Variants in ZBTB41 observed in about 807,000 individuals in gnomAD.
ZBTB41 encodes the protein zinc finger and BTB domain containing 41, also known as zinc finger and BTB domain-containing protein 41.
A neutral mutation model predicts 87.6 loss-of-function variants in ZBTB41; 42 were observed. The observed-to-expected ratio is 0.48, with a 90% CI of 0.37 to 0.62. ZBTB41 has a LOEUF of 0.62. Among genes scored for constraint, ZBTB41 ranks in the 20% least tolerant of loss-of-function variants. ZBTB41 has a pLI of 0.00. For missense variants in ZBTB41, 799 were observed against 1,078.9 expected (o/e 0.74, Z 3.63); for synonymous variants, 364 against 364.0 (o/e 1.00, Z 0.00).
intron 4 of ZBTB41, 26 bp from the exon 5 acceptor site, chr1:197,188,465 TAA>T (rs1659938375): frequency 1.3e-6 from 2 of 1,554,080 alleles, no homozygotes; most frequent in Admixed American, 2.1e-5. Flanking sequence ...AACAAAATGT[TAA>T]GAGAACCTGA....
intron 7 of ZBTB41, among the ~76,000 whole-genome samples, chr1:197,177,843 A>G (rs1020250227): frequency 5.3e-5 from 8 of 152,152 alleles, no homozygotes; most frequent in Non-Finnish European, 1.0e-4. Flanking sequence ...AAAGCAAGAT[A>G]AATAATAAAT....
intron 4 of ZBTB41, 148 bp from the exon 5 acceptor site, chr1:197,188,587 G>T: frequency 1.3e-6 from 1 of 789,262 alleles, no homozygotes; most frequent in Non-Finnish European, 1.9e-6. Context: ...AATTCTAATT[G>T]TGCAGAAAAA....
chr1:197,168,276 G>A (rs1358881655), intron 10 of ZBTB41, among the ~76,000 whole-genome samples: 1 of 152,012 alleles, frequency 6.6e-6, no homozygotes, highest in Non-Finnish European at 1.5e-5. Context: ...GGTGTTCACA[G>A]ACTGGATAAT....
chr1:197,179,706 C>T (rs953436700), intron 6 of ZBTB41, among the ~76,000 whole-genome samples: 18 of 151,762 alleles, frequency 1.2e-4, no homozygotes, highest in African/African-American at 4.1e-4. Flanking sequence ...CCTGTGTAGG[C>T]CTAGGCTAAT....
intron 2 of ZBTB41, among the ~76,000 whole-genome samples, chr1:197,193,068 T>G (rs555949412): frequency 1.3e-5 from 2 of 152,324 alleles, no homozygotes; most frequent in East Asian, 3.9e-4. Context: ...AGTAATGGTA[T>G]ATGCATATCT....
chr1:197,159,496 G>T lies in ZBTB41; in HGVS notation c.2593C>A (p.Gln865Lys), dbSNP rs1392297442. The change falls in exon 11 of 11, where the codon CAA becomes AAA. Residue 865 changes from glutamine (Q) to lysine (K), a missense_variant. Around this residue, in one of 5 missense-constraint regions of ZBTB41, gnomAD observed 171 missense variants for 191.9 expected, o/e 0.89. Transcript: ENST00000367405. The part of the protein sequence containing the change: ...AFLEKYTLTP[Q>K]PANIVHPVRP... Reference sequence around the variant, plus strand: ...ACTGGGTGAACTATATTTGCAGGTTGAGGAGTAAGAGTATATTTTTCCAGA... The same window carrying T: ...ACTGGGTGAACTATATTTGCAGGTTTAGGAGTAAGAGTATATTTTTCCAGA... The T allele has an allele frequency of 1.2e-6, 2 of 1,613,954 alleles. No homozygotes were observed. Among genetic ancestry groups the T allele is most frequent in the Non-Finnish European group, 1.7e-6 (2 of 1,179,854 alleles).
Position 197,159,616 on chromosome 1 carries a change from C to A in ZBTB41, c.2473G>T (p.Val825Leu). ...VQMPDTPSDL[V>L]RHTTTLPPSS... The stretch of plus-strand genomic sequence containing the variant: ...GGTGGGAGTGTGGTAGTATGACGCA[C>A]TAGGTCACTCGGAGTGTCAGGCATC... Residue 825 changes from valine to leucine, a missense_variant, in exon 11 of 11, where the codon GTG becomes TTG. Physicochemically the swap from Val to Leu is conservative, Grantham distance 32. This residue lies in a region of ZBTB41 where 171 missense variants were observed against 191.9 expected (regional missense o/e 0.89). Coordinates refer to ENST00000367405, the MANE Select transcript of ZBTB41 (RefSeq NM_194314.3). 1 of 1,613,930 alleles carries A rather than the reference C, an allele frequency of 6.2e-7. No individual in the cohort carries two copies. The highest frequency in any genetic ancestry group is 8.5e-7 in the Non-Finnish European group (1 of 1,179,920).
chr1:197,158,027 G>A lies in ZBTB41; in HGVS notation c.*1332C>T, dbSNP rs1485792268. The A allele has an allele frequency of 6.6e-6, 1 of 152,242 alleles. No individual in the cohort carries two copies. The highest frequency in any genetic ancestry group is 1.5e-5 in the Non-Finnish European group (1 of 67,838). 9.4% of individuals were successfully genotyped at this position (152,242 alleles called of 1,614,324 possible). A position where few individuals can be genotyped will look rare whatever the true frequency, so the allele number is the denominator to read the frequency against. On this transcript the variant is annotated 3_prime_UTR_variant, in exon 11 of 11. Transcript: ENST00000367405. ...GACATGCTAATAATAAATCAACCCT[G>A]TCTAGTCTAATCTTCAAGCAACTCT...
intron 5 of ZBTB41, among the ~76,000 whole-genome samples, chr1:197,182,787 C>T (rs1659783037): frequency 6.6e-6 from 1 of 152,094 alleles, no homozygotes; most frequent in African/African-American, 2.4e-5. Context: ...ACCATTTGCA[C>T]CAGCACTACC....
At position 197,159,830 on chromosome 1, in the gene ZBTB41, A is replaced by G. The variant is rs1220113693; in HGVS notation, c.2259T>C (p.Asp753=). 26 of 1,613,890 alleles carry G rather than the reference A, an allele frequency of 1.6e-5. No individual in the cohort carries two copies. Among genetic ancestry groups the G allele is most frequent in the African/African-American group, 6.7e-5 (5 of 74,920 alleles). Reference sequence around the variant, plus strand: ...TTTCCTCAGAAGTACTGAGAGGATCATCAGGAGATTTTATTTCATGAACAT... The same window carrying G: ...TTTCCTCAGAAGTACTGAGAGGATCGTCAGGAGATTTTATTTCATGAACAT... ...IDHVHEIKSP[D]DPLSTSEEKL... The change falls in exon 11 of 11, where the codon GAT becomes GAC. Residue 753 remains aspartate (D), a synonymous_variant. Coordinates refer to ENST00000367405, the MANE Select transcript of ZBTB41 (RefSeq NM_194314.3).
At chr1:197,164,924 C>A (rs1368309752) in intron 10 of ZBTB41, among the ~76,000 whole-genome samples, 2 of 59,164 alleles carry the variant, frequency 3.4e-5, no homozygotes, top group African/African-American at 1.1e-4. Flanking sequence ...TAATACATAT[C>A]TAATATATTA....
chr1:197,173,724 G>A (rs1337938169), intron 9 of ZBTB41, among the ~76,000 whole-genome samples: 1 of 152,088 alleles, frequency 6.6e-6, no homozygotes, highest in Non-Finnish European at 1.5e-5. Flanking sequence ...TAACCAGTAT[G>A]CTTGGTTTAC....
intron 9 of ZBTB41, among the ~76,000 whole-genome samples, chr1:197,173,128 A>T (rs1323610350): frequency 1.3e-5 from 2 of 152,104 alleles, no homozygotes; most frequent in Non-Finnish European, 2.9e-5. Flanking sequence ...AAGCCATACC[A>T]TCTCACCTCA....
rs1659133691 is a variant in ZBTB41, at chr1:197,159,004, A to G, written c.*355T>C. ...AACTTGTTTGTAAGAAGGGCTAGGA[A>G]GAAGAAGGAGAGGAATGAGACTAAA... On this transcript the variant is annotated 3_prime_UTR_variant, in exon 11 of 11. Coordinates refer to ENST00000367405, the MANE Select transcript of ZBTB41 (RefSeq NM_194314.3). The G allele has an allele frequency of 4.7e-6, 1 of 214,954 alleles. No individual in the cohort carries two copies. The highest frequency in any genetic ancestry group is 2.4e-5 in the African/African-American group (1 of 42,390). The allele number at this position is 214,954 out of a possible 1,614,324, so 13.3% of individuals were successfully genotyped here.
At position 197,157,106 on chromosome 1, in the gene ZBTB41, A is replaced by G. The variant is rs1336981920; in HGVS notation, c.*2253T>C. The G allele has an allele frequency of 1.3e-5, 2 of 152,220 alleles. No individual in the cohort carries two copies. Among genetic ancestry groups the G allele is most frequent in the African/African-American group, 4.8e-5 (2 of 41,412 alleles). 9.4% of individuals were successfully genotyped at this position (152,220 alleles called of 1,614,324 possible). A position where few individuals can be genotyped will look rare whatever the true frequency, so the allele number is the denominator to read the frequency against. ...AGTAACTAAATACAATTATATTATTATATTTCACTTTACTAAGAGATGTAT... is the reference window on the plus strand; with the variant it reads ...AGTAACTAAATACAATTATATTATTGTATTTCACTTTACTAAGAGATGTAT... On this transcript the variant is annotated 3_prime_UTR_variant, in exon 11 of 11. Transcript: ENST00000367405.
chr1:197,157,125 G>C lies in ZBTB41; in HGVS notation c.*2234C>G, dbSNP rs1257419811. 1 of 152,032 alleles carries C rather than the reference G, an allele frequency of 6.6e-6. No individual in the cohort carries two copies. The highest frequency in any genetic ancestry group is 1.5e-5 in the Non-Finnish European group (1 of 67,716). The allele number at this position is 152,032 out of a possible 1,614,324, so 9.4% of individuals were successfully genotyped here. Reference sequence around the variant, plus strand: ...ATTATTATATTTCACTTTACTAAGAGATGTATTCCAAAAAAGTTCTGTGTA... The same window carrying C: ...ATTATTATATTTCACTTTACTAAGACATGTATTCCAAAAAAGTTCTGTGTA... On this transcript the variant is annotated 3_prime_UTR_variant, in exon 11 of 11. Transcript: ENST00000367405.
chr1:197,160,059 A>G (rs746170038), intron 10 of ZBTB41, 45 bp from the exon 11 acceptor site: 1 of 1,477,440 alleles, frequency 6.8e-7, no homozygotes, highest in African/African-American at 1.4e-5. Context: ...AATGTACTCA[A>G]CTTGATAAGA....
intron 2 of ZBTB41, among the ~76,000 whole-genome samples, chr1:197,197,434 A>C (rs1660193835): frequency 6.6e-6 from 1 of 152,030 alleles, no homozygotes; most frequent in African/African-American, 2.4e-5. Flanking sequence ...AGAGTGACAT[A>C]ATGTAAAATA....
chr1:197,200,346 G>A lies in ZBTB41; in HGVS notation c.128C>T (p.Pro43Leu). 1.2e-6 allele frequency: 2 copies of A among 1,614,164 alleles called. No individual in the cohort carries two copies. The highest frequency in any genetic ancestry group is 1.7e-6 in the Non-Finnish European group (2 of 1,180,030). ...QVTYTHSAGR[P>L]TPEALHCYQE... ...GTAACAGTGAAGAGCTTCAGGAGTT[G>A]GTCTTCCTGCAGAATGAGTATAGGT... The change falls in exon 2 of 11, where the codon CCA becomes CTA. Residue 43 changes from proline (P) to leucine (L), a missense_variant. Coordinates refer to ENST00000367405, the MANE Select transcript of ZBTB41 (RefSeq NM_194314.3).
Sources: allele counts gnomAD v4.1 joint callset (sites outside exome capture counted in the v4.1 genomes callset), GRCh38; gene constraint gnomAD v4.1.1; regional missense constraint gnomAD v4.1.1; transcripts MANE v1.5; gene names NCBI Gene and HGNC (gene_info 2026-07-23, HGNC 2026-07-21).